Variants in MECOM observed in about 807,000 individuals in gnomAD.
MECOM encodes the protein histone-lysine N-methyltransferase MECOM.
Under a neutral mutation model 116.3 loss-of-function variants are expected in MECOM, and 13 were observed. The observed-to-expected ratio is 0.11, with a 90% CI of 0.07 to 0.18. The LOEUF (loss-of-function observed/expected upper bound fraction) is 0.18, where lower values mean the gene tolerates loss of function less well. Among genes scored for constraint, MECOM ranks in the 10% least tolerant of loss-of-function variants. The probability of loss-of-function intolerance (pLI) is 1.00; values close to 1 mark genes in which losing one functional copy is unlikely to be tolerated. For synonymous variants in MECOM, 528 were observed against 535.2 expected (o/e 0.99, Z 0.19); for missense variants, 1,299 against 1,509.0 (o/e 0.86, Z 2.31).
At chr3:169,118,415 T>C (rs1729878599) in intron 7 of MECOM, among the ~76,000 whole-genome samples, 1 of 152,160 alleles carries the variant, frequency 6.6e-6, no homozygotes, top group Non-Finnish European at 1.5e-5. Context: ...GCTTTAAAAG[T>C]ATATACAATT....
chr3:169,614,137 CTT>C (rs1769680761), intron 1 of MECOM, among the ~76,000 whole-genome samples: 2 of 143,236 alleles, frequency 1.4e-5, no homozygotes, highest in Admixed American at 1.4e-4. Context: ...CTCTCTCTCT[CTT>C]TCTCTCTCTC....
At position 169,085,074 on chromosome 3, in the gene MECOM, T is replaced by C. The variant is rs780056793; in HGVS notation, c.3586-31A>G. 5 of 1,613,054 alleles carry C rather than the reference T, an allele frequency of 3.1e-6. No individual in the cohort carries two copies. The South Asian group carries it at 4.4e-5, about 14-fold the overall frequency. ...GTAAAAAGGAGAGAGACTCAGTAAA[T>C]GGCATTTGAAAAACATCACTTTTAG... is the stretch of plus-strand genomic sequence containing the variant. On this transcript the variant is annotated intron_variant, in intron 16 of 16. Transcript: ENST00000651503.
At chr3:169,149,433 G>A in intron 2 of MECOM, 2 of 180,398 alleles carry the variant, frequency 1.1e-5, no homozygotes, top group South Asian at 9.3e-5. Flanking sequence ...TCGGGTGGGG[G>A]GAGGCGGAGC....
At chr3:169,175,460 G>A (rs1745018260) in intron 2 of MECOM, among the ~76,000 whole-genome samples, 1 of 152,064 alleles carries the variant, frequency 6.6e-6, no homozygotes, top group Non-Finnish European at 1.5e-5. Context: ...ATGTGCATAA[G>A]GTATATATAA....
At chr3:169,512,454 C>T (rs1756093282) in intron 1 of MECOM, among the ~76,000 whole-genome samples, 3 of 152,286 alleles carry the variant, frequency 2.0e-5, no homozygotes, top group Non-Finnish European at 2.9e-5. Context: ...ATGCAGTAAG[C>T]GTAAGAACAA....
intron 6 of MECOM, 122 bp from the exon 7 acceptor site, chr3:169,121,331 A>G: frequency 3.9e-6 from 4 of 1,013,918 alleles, no homozygotes; most frequent in African/African-American, 1.6e-5. Flanking sequence ...CCCAAAGACC[A>G]AAAGTGTACT....
chr3:169,230,945 C>A (rs1753317308), intron 2 of MECOM, among the ~76,000 whole-genome samples: 1 of 152,096 alleles, frequency 6.6e-6, no homozygotes, highest in Admixed American at 6.6e-5. Context: ...AATATATTGT[C>A]TTTTTAACTT....
chr3:169,090,813 T>C (rs1439613116), intron 14 of MECOM, among the ~76,000 whole-genome samples: 1 of 151,936 alleles, frequency 6.6e-6, no homozygotes, highest in East Asian at 1.9e-4. Context: ...GCTCACTTAT[T>C]TGTACTATTT....
chr3:169,502,521 C>T (rs1754662291), intron 1 of MECOM, among the ~76,000 whole-genome samples: 1 of 151,974 alleles, frequency 6.6e-6, no homozygotes, highest in African/African-American at 2.4e-5. Flanking sequence ...AACCAGAGAC[C>T]CCTAAAAACA....
rs558177282 is a variant in MECOM, at chr3:169,167,187, A to C, written c.376-23355T>G. On this transcript the variant is annotated intron_variant, in intron 2 of 16. Coordinates refer to ENST00000651503, the MANE Select transcript of MECOM (RefSeq NM_004991.4). ...GAGACGGGGTCTCACCATGTTGCCTAGGTTGTTATTTATTGTTTGTTTCAT... is the reference window on the plus strand; with the variant it reads ...GAGACGGGGTCTCACCATGTTGCCTCGGTTGTTATTTATTGTTTGTTTCAT... 2.6e-5 allele frequency among the ~76,000 whole-genome samples: 4 copies of C among 152,228 alleles called. 1 individual carries two copies. The highest frequency in any genetic ancestry group is 9.6e-5 in the African/African-American group (4 of 41,538).
intron 13 of MECOM, among the ~76,000 whole-genome samples, chr3:169,094,395 A>G (rs1720854230): frequency 6.6e-6 from 1 of 152,128 alleles, no homozygotes; most frequent in African/African-American, 2.4e-5. Flanking sequence ...AATGTTACTT[A>G]ATGACTTATT....
At chr3:169,510,385 T>A (rs1007288024) in intron 1 of MECOM, among the ~76,000 whole-genome samples, 1 of 152,246 alleles carries the variant, frequency 6.6e-6, no homozygotes, top group African/African-American at 2.4e-5. Context: ...CTAAGGTTTA[T>A]CAGAGGAAAC....
At chr3:169,309,494 A>T (rs1392604343) in intron 2 of MECOM, among the ~76,000 whole-genome samples, 3 of 152,220 alleles carry the variant, frequency 2.0e-5, no homozygotes, top group African/African-American at 7.2e-5. Context: ...AATGACAATT[A>T]CATATAGAGG....
chr3:169,460,597 GA>G (rs963167954), intron 1 of MECOM, among the ~76,000 whole-genome samples: 14 of 152,086 alleles, frequency 9.2e-5, no homozygotes, highest in African/African-American at 3.4e-4. Flanking sequence ...ATTATTCTAG[GA>G]AAAAAGTACA....
intron 2 of MECOM, among the ~76,000 whole-genome samples, chr3:169,249,675 A>G (rs1756013033): frequency 6.6e-6 from 1 of 152,214 alleles, no homozygotes; most frequent in Admixed American, 6.5e-5. Context: ...GTTGATGAGC[A>G]ATAACATTTT....
chr3:169,272,324 A>G (rs1231110393), intron 2 of MECOM, among the ~76,000 whole-genome samples: 3 of 152,164 alleles, frequency 2.0e-5, no homozygotes, highest in Non-Finnish European at 4.4e-5. Context: ...GGGGAGAGAC[A>G]TAGGCTCTGG....
chr3:169,318,632 G>C (rs957004537), intron 2 of MECOM, among the ~76,000 whole-genome samples: 2 of 152,180 alleles, frequency 1.3e-5, no homozygotes, highest in African/African-American at 4.8e-5. Context: ...ATGCTGGAGA[G>C]GATGTGGATA....
chr3:169,538,442 T>A (rs1317418788), intron 1 of MECOM, among the ~76,000 whole-genome samples: 2 of 152,218 alleles, frequency 1.3e-5, no homozygotes, highest in African/African-American at 4.8e-5. Flanking sequence ...GGACATAGAT[T>A]CACTTCTGAC....
chr3:169,146,588 C>G (rs995240723), intron 2 of MECOM: 6 of 1,373,330 alleles, frequency 4.4e-6, no homozygotes, highest in Non-Finnish European at 4.8e-6. Flanking sequence ...CTCCGCGAGA[C>G]TGCGGGCGAG....
Sources: allele counts gnomAD v4.1 joint callset (sites outside exome capture counted in the v4.1 genomes callset), GRCh38; gene constraint gnomAD v4.1.1; transcripts MANE v1.5; gene names NCBI Gene and HGNC (gene_info 2026-07-23, HGNC 2026-07-21).